The following ARHGEF10L variants were observed in gnomAD, a reference collection of about 807,000 sequenced individuals.
ARHGEF10L encodes Rho guanine nucleotide exchange factor 10 like.
In ARHGEF10L, 69 loss-of-function variants were observed where a neutral mutation model predicts 141.2. That is an observed-to-expected ratio of 0.49 (90% CI 0.40 to 0.60). The LOEUF is 0.60. ARHGEF10L is among the 20% of genes least tolerant of loss of function. The pLI is 0.00. For synonymous variants in ARHGEF10L, 711 were observed against 718.5 expected, an observed-to-expected ratio of 0.99 and a Z score of 0.17; for missense variants, 1,482 against 1,734.3, an observed-to-expected ratio of 0.85 and a Z score of 2.58.
chr1:17,605,908 A>T (rs1316043121), intron 6 of ARHGEF10L, among the ~76,000 whole-genome samples: 2 of 152,128 alleles, frequency 1.3e-5, no homozygotes. Context: ...ATTAGTTACT[A>T]TTATCTTTTG....
intron 26 of ARHGEF10L, among the ~76,000 whole-genome samples, chr1:17,665,145 G>A (rs1286567743): frequency 1.3e-5 from 2 of 152,222 alleles, no homozygotes; most frequent in South Asian, 2.1e-4. Flanking sequence ...CTTCACACCT[G>A]CAGTCCATCC....
rs368661756 is a variant in ARHGEF10L at position 17,622,974 on chromosome 1, C to T, written c.1021-22C>T. 2.5e-6 allele frequency: 4 copies of T among 1,602,784 alleles called. No individual in the cohort carries two copies. The African/African-American group carries it at 4.0e-5, about 16-fold the overall frequency. ...GAGAGGCTGCGGCCTGGCCTGCGGC[C>T]TCACCCCGCCCTCCCCGGCAGGACT... is the stretch of plus-strand genomic sequence containing the variant. On this transcript the variant is annotated intron_variant, in intron 11 of 28. Transcript: ENST00000361221.
At chr1:17,659,422 T>C (rs761967572) in intron 25 of ARHGEF10L, among the ~76,000 whole-genome samples, 3 of 152,178 alleles carry the variant, frequency 2.0e-5, no homozygotes, top group East Asian at 3.9e-4. Flanking sequence ...CTGGATTACA[T>C]GCGGCCAGGT....
intron 16 of ARHGEF10L, among the ~76,000 whole-genome samples, chr1:17,633,864 C>T (rs1269865850): frequency 2.6e-5 from 4 of 152,296 alleles, no homozygotes; most frequent in South Asian, 2.1e-4. Context: ...TTACCGATCA[C>T]GAGTCCTGGA....
intron 27 of ARHGEF10L, among the ~76,000 whole-genome samples, 178 bp downstream of exon 27, chr1:17,687,925 C>T (rs12091439): frequency 0.015 from 2,239 of 152,298 alleles, 56 homozygotes; most frequent in African/African-American, 0.051. Flanking sequence ...GGACTGTCAT[C>T]TCAAAGCCCC....
chr1:17,578,720 C>G (rs963849268), intron 1 of ARHGEF10L, among the ~76,000 whole-genome samples: 1 of 152,044 alleles, frequency 6.6e-6, no homozygotes, highest in South Asian at 2.1e-4. Context: ...AAATTATACC[C>G]CCACAAAAAA....
intron 4 of ARHGEF10L, among the ~76,000 whole-genome samples, chr1:17,593,240 A>AACAATACTAAC (rs2079743601): frequency 6.6e-6 from 1 of 152,200 alleles, no homozygotes; most frequent in African/African-American, 2.4e-5. Flanking sequence ...GAGATGGTGC[A>AACAATACTAAC]ACAATACTAA....
intron 27 of ARHGEF10L, among the ~76,000 whole-genome samples, chr1:17,689,050 A>G (rs34490715): frequency 0.22 from 33,489 of 152,014 alleles, 4,291 homozygotes; most frequent in African/African-American, 0.35. Context: ...GCTGGGGATT[A>G]TCCCCACATT....
intron 21 of ARHGEF10L, among the ~76,000 whole-genome samples, chr1:17,646,669 G>T (rs927561222): frequency 1.8e-4 from 28 of 152,128 alleles, no homozygotes; most frequent in African/African-American, 5.8e-4. Flanking sequence ...ACCCTCCAAT[G>T]GGCTGAGACG....
intron 25 of ARHGEF10L, among the ~76,000 whole-genome samples, chr1:17,658,461 C>T (rs537197401): frequency 2.0e-5 from 3 of 152,232 alleles, no homozygotes; most frequent in Non-Finnish European, 4.4e-5. Flanking sequence ...TCCAGAGCCC[C>T]CTGACTGAGC....
intron 1 of ARHGEF10L, among the ~76,000 whole-genome samples, chr1:17,562,821 G>A (rs1425707895): frequency 6.6e-6 from 1 of 152,196 alleles, no homozygotes; most frequent in Non-Finnish European, 1.5e-5. Flanking sequence ...CCCATGCTGG[G>A]CACCCAAGAG....
intron 25 of ARHGEF10L, among the ~76,000 whole-genome samples, chr1:17,659,513 A>G (rs2062476026): frequency 6.6e-6 from 1 of 152,098 alleles, no homozygotes; most frequent in Non-Finnish European, 1.5e-5. Context: ...GAGGCCTTAG[A>G]TACCCCTCAG....
chr1:17,684,909 A>AGG (rs1351729531), intron 26 of ARHGEF10L, among the ~76,000 whole-genome samples: 3 of 152,206 alleles, frequency 2.0e-5, no homozygotes, highest in South Asian at 2.1e-4. Context: ...CTCAGCCATC[A>AGG]GGGACTGGCT....
intron 26 of ARHGEF10L, among the ~76,000 whole-genome samples, chr1:17,674,424 A>G (rs955844082): frequency 6.6e-6 from 1 of 152,196 alleles, no homozygotes; most frequent in Non-Finnish European, 1.5e-5. Context: ...CAGGTGCCCC[A>G]ATGAGGGAGT....
In ARHGEF10L at chr1:17,697,481, G is replaced by A. The variant is rs2065594493; in HGVS notation, c.*101G>A. 7.1e-7 allele frequency: 1 copy of A among 1,416,118 alleles called. No homozygotes were observed. The highest frequency in any genetic ancestry group is 1.5e-5 in the African/African-American group (1 of 68,144). 87.7% of individuals were successfully genotyped at this position (1,416,118 alleles called of 1,614,324 possible). On this transcript the variant is annotated 3_prime_UTR_variant, in exon 29 of 29. Coordinates refer to ENST00000361221, the MANE Select transcript of ARHGEF10L (RefSeq NM_018125.4). The surrounding 1 kb of genome is among the most constrained non-coding windows in gnomAD (Gnocchi z 4.8). ...TGCACGGGACTTGTGGATGGGCCTGGACTCTCCAGAAACTACTTGGGCAGA... is the reference window on the plus strand; with the variant it reads ...TGCACGGGACTTGTGGATGGGCCTGAACTCTCCAGAAACTACTTGGGCAGA...
intron 7 of ARHGEF10L, 86 bp downstream of exon 7, chr1:17,608,063 G>T (rs1446404627): frequency 1.5e-6 from 2 of 1,303,292 alleles, no homozygotes; most frequent in African/African-American, 1.6e-5. Flanking sequence ...TGGGTAGTGA[G>T]GGCCAGGCCT....
intron 4 of ARHGEF10L, among the ~76,000 whole-genome samples, chr1:17,589,613 G>A (rs1345394659): frequency 6.6e-6 from 1 of 152,204 alleles, no homozygotes; most frequent in African/African-American, 2.4e-5. Flanking sequence ...GTGGACTTGG[G>A]GAGGGTTTCT....
intron 1 of ARHGEF10L, among the ~76,000 whole-genome samples, chr1:17,576,048 C>T (rs967188963): frequency 1.9e-4 from 29 of 152,142 alleles, no homozygotes; most frequent in East Asian, 3.9e-4. Flanking sequence ...AGAAAGAGGC[C>T]GGCCTTTCCT....
the ARHGEF10L span, among the ~76,000 whole-genome samples, chr1:17,523,169 T>A: frequency 6.7e-6 from 1 of 149,110 alleles, no homozygotes; most frequent in Admixed American, 6.8e-5. Context: ...CACTGCAACG[T>A]CCACCTCCTG....
Sources: gnomAD v4.1 joint callset for allele counts (sites outside exome capture counted in the v4.1 genomes callset) on GRCh38, gnomAD v4.1.1 for gene constraint, Gnocchi (gnomAD v3.1) non-coding constraint, MANE v1.5 for transcripts, NCBI Gene and HGNC (gene_info 2026-07-23, HGNC 2026-07-21) for gene names.